Variants in NCKAP5L observed in about 807,000 individuals in gnomAD.
NCKAP5L encodes the protein nck-associated protein 5-like.
A neutral mutation model predicts 103.2 loss-of-function variants in NCKAP5L; 54 were observed. The ratio of observed to expected loss-of-function variants is 0.52; its 90% confidence interval spans 0.42 to 0.66. NCKAP5L has a LOEUF of 0.66. NCKAP5L is among the 30% of genes least tolerant of loss of function. NCKAP5L has a pLI of 0.00. For missense variants in NCKAP5L, 1,733 were observed against 1,750.6 expected (o/e 0.99, Z 0.18); for synonymous variants, 762 against 748.6 (o/e 1.02, Z -0.29).
intron 1 of NCKAP5L, among the ~76,000 whole-genome samples, chr12:49,824,826 ATAT>A (rs1946399029): frequency 6.6e-6 from 1 of 152,156 alleles, no homozygotes; most frequent in Non-Finnish European, 1.5e-5. Context: ...CTGGGGGAAA[ATAT>A]TATGGGTCTT....
intron 1 of NCKAP5L, among the ~76,000 whole-genome samples, chr12:49,815,469 T>C (rs1263653130): frequency 1.3e-5 from 2 of 152,264 alleles, no homozygotes; most frequent in South Asian, 2.1e-4. Flanking sequence ...ATTCCAGCTA[T>C]GGCCATTGGC....
chr12:49,795,550 G>A lies in NCKAP5L; in HGVS notation c.2310C>T (p.Ser770=), dbSNP rs949451561. The stretch of plus-strand genomic sequence containing the variant: ...TGGCCAGCTCCACTTTGGTGAGGCA[G>A]CTCCTTGGTGAGACAGGCTCCAGGT... ...RVDLEPVSPR[S]CLTKVELAKS... is the part of the protein sequence containing the mutation. The change falls in exon 8 of 13, where the codon AGC becomes AGT. Residue 770 remains serine, a synonymous_variant. Transcript: ENST00000335999. 1 of 1,536,726 alleles carries A rather than the reference G, an allele frequency of 6.5e-7. No individual in the cohort carries two copies. Among genetic ancestry groups the A allele is most frequent in the Non-Finnish European group, 8.7e-7 (1 of 1,145,860 alleles).
At position 49,802,832 on chromosome 12, in the gene NCKAP5L, C is replaced by T. The variant is rs577121954; in HGVS notation, c.231+126G>A. Reference sequence around the variant, plus strand: ...GTCTCTAGGTAGAACAGAATGGACCCGCCCAAGGCGGAAAGACGGGGAATC... The same window carrying T: ...GTCTCTAGGTAGAACAGAATGGACCTGCCCAAGGCGGAAAGACGGGGAATC... On this transcript the variant is annotated intron_variant, in intron 5 of 12. Transcript: ENST00000335999. The T allele has an allele frequency of 8.7e-5, 103 of 1,184,264 alleles. 1 individual carries two copies. In the East Asian group the frequency reaches 1.5e-3, roughly 18 times the overall value. 73.4% of individuals were successfully genotyped at this position (1,184,264 alleles called of 1,614,324 possible). A position where few individuals can be genotyped will look rare whatever the true frequency, so the allele number is the denominator to read the frequency against.
At chr12:49,819,651 A>G (rs1175396666) in intron 1 of NCKAP5L, among the ~76,000 whole-genome samples, 1 of 152,200 alleles carries the variant, frequency 6.6e-6, no homozygotes, top group Non-Finnish European at 1.5e-5. Flanking sequence ...GCTTGAGCCC[A>G]GGAGTTCAAG....
chr12:49,820,604 T>C (rs966379769), intron 1 of NCKAP5L, among the ~76,000 whole-genome samples: 2 of 152,176 alleles, frequency 1.3e-5, no homozygotes, highest in Admixed American at 6.5e-5. Context: ...CGTGAGCCAC[T>C]GCACCCAGGC....
rs2137003773 is a variant in NCKAP5L, at chr12:49,797,329, C to T, written c.531G>A (p.Leu177=). 2 of 1,612,764 alleles carry T rather than the reference C, an allele frequency of 1.2e-6. No individual in the cohort carries two copies. Among genetic ancestry groups the T allele is most frequent in the East Asian group, 2.2e-5 (1 of 44,850 alleles). Residue 177 remains leucine, a synonymous_variant, in exon 8 of 13, where the codon CTG becomes CTA. Coordinates refer to ENST00000335999, the MANE Select transcript of NCKAP5L (RefSeq NM_001037806.4). This position sits in a 1 kb window ranked among gnomAD's most constrained non-coding sequence, Gnocchi z 4.5. ...PGPPAAPPPA[L]DALSPFLRKK... ...TCCGAAGGAACGGGGATAGGGCATCCAGCGCTGGGGGTGGGGCGGCTGGGG... is the reference window on the plus strand; with the variant it reads ...TCCGAAGGAACGGGGATAGGGCATCTAGCGCTGGGGGTGGGGCGGCTGGGG...
chr12:49,797,364 C>G lies in NCKAP5L; in HGVS notation c.496G>C (p.Gly166Arg). Reference protein sequence around the residue: ...VCWEQQLRPGGPGPPAAPPPA... With the variant: ...VCWEQQLRPGRPGPPAAPPPA... ...GGTGGGGCGGCTGGGGGGCCTGGGCCTCCTGGCCTCAGCTGCTGCTCCCAA... is the reference window on the plus strand; with the variant it reads ...GGTGGGGCGGCTGGGGGGCCTGGGCGTCCTGGCCTCAGCTGCTGCTCCCAA... The change falls in exon 8 of 13, where the codon GGC becomes CGC. Residue 166 changes from glycine (G) to arginine (R), a missense_variant. Physicochemically the swap from Gly to Arg is moderately radical, Grantham distance 125 (BLOSUM62 -2). Transcript: ENST00000335999. The surrounding 1 kb of genome is among the most constrained non-coding windows in gnomAD (Gnocchi z 4.5). 6.2e-7 allele frequency: 1 copy of G among 1,609,554 alleles called. No homozygotes were observed.
At chr12:49,809,986 C>T (rs1244206569) in intron 1 of NCKAP5L, among the ~76,000 whole-genome samples, 1 of 152,108 alleles carries the variant, frequency 6.6e-6, no homozygotes, top group Non-Finnish European at 1.5e-5. Flanking sequence ...ACCTCAACCA[C>T]CATGGTGTGA....
chr12:49,810,840 T>C (rs1946232044), intron 1 of NCKAP5L, among the ~76,000 whole-genome samples: 1 of 152,260 alleles, frequency 6.6e-6, no homozygotes, highest in Non-Finnish European at 1.5e-5. Context: ...TAAATAACTG[T>C]AAGTATAACA....
Position 49,791,803 on chromosome 12 carries a change from C to T in NCKAP5L, c.*36G>A, listed in dbSNP as rs1592744244. The T allele has an allele frequency of 6.6e-7, 1 of 1,512,990 alleles. No individual in the cohort carries two copies. The highest frequency in any genetic ancestry group is 8.9e-7 in the Non-Finnish European group (1 of 1,123,720). 93.7% of individuals were successfully genotyped at this position (1,512,990 alleles called of 1,614,324 possible). A position where few individuals can be genotyped will look rare whatever the true frequency, so the allele number is the denominator to read the frequency against. On this transcript the variant is annotated 3_prime_UTR_variant, in exon 13 of 13. Transcript: ENST00000335999. ...AAGAGAGCCGGTCCAGTCTGTGGTC[C>T]CCAGCTCCAGCGGGGCCGTGGCGTG...
At chr12:49,825,924 C>T (rs1946411639) in intron 1 of NCKAP5L, among the ~76,000 whole-genome samples, 1 of 152,168 alleles carries the variant, frequency 6.6e-6, no homozygotes, top group Non-Finnish European at 1.5e-5. Flanking sequence ...GGCTCTTGGG[C>T]TGGAAAGCAA....
intron 1 of NCKAP5L, among the ~76,000 whole-genome samples, chr12:49,818,963 A>C (rs992928711): frequency 6.6e-6 from 1 of 151,158 alleles, no homozygotes; most frequent in Non-Finnish European, 1.5e-5. Context: ...TTGGGAGGCC[A>C]AGGCAGGAGG....
At chr12:49,823,666 G>T (rs1946385205) in intron 1 of NCKAP5L, among the ~76,000 whole-genome samples, 1 of 151,734 alleles carries the variant, frequency 6.6e-6, no homozygotes, top group African/African-American at 2.4e-5. Context: ...AAAGCATAGT[G>T]GATATTGGAG....
rs779516528 is a variant in NCKAP5L, at chr12:49,792,860, G to A, written c.3467C>T (p.Pro1156Leu). Residue 1156 changes from proline to leucine, a missense_variant, in exon 11 of 13, where the codon CCT (proline) becomes CTT (leucine). Coordinates refer to ENST00000335999, the MANE Select transcript of NCKAP5L (RefSeq NM_001037806.4). This position sits in a 1 kb window ranked among gnomAD's most constrained non-coding sequence, Gnocchi z 4.5. Reference protein sequence around the residue: ...KTKPPRLDPPPGVPPARPPPL... With the variant: ...KTKPPRLDPPLGVPPARPPPL... ...TGGGGGCCGAGCTGGGGGTACCCCA[G>A]GTGGGGGATCCAGCCGCGGTGGCTT... The A allele has an allele frequency of 3.2e-6, 5 of 1,548,604 alleles. No homozygotes were observed. In the Admixed American group the frequency reaches 7.4e-5, roughly 23 times the overall value.
At chr12:49,804,106 G>A in intron 2 of NCKAP5L, 26 bp from the exon 3 acceptor site, 3 of 1,591,648 alleles carry the variant, frequency 1.9e-6, no homozygotes, top group Non-Finnish European at 1.7e-6. Flanking sequence ...AGGAGGAAGT[G>A]AGAAGGAGGA....
At chr12:49,815,024 C>G (rs891736914) in intron 1 of NCKAP5L, among the ~76,000 whole-genome samples, 4 of 152,254 alleles carry the variant, frequency 2.6e-5, no homozygotes, top group African/African-American at 9.6e-5. Flanking sequence ...ATGCCTTCCC[C>G]AGGGCATTAT....
At position 49,792,538 on chromosome 12, in the gene NCKAP5L, A is replaced by G; in HGVS notation, c.3700T>C (p.Trp1234Arg). The G allele has an allele frequency of 1.2e-6, 2 of 1,613,700 alleles. No homozygotes were observed. The highest frequency in any genetic ancestry group is 3.3e-5 in the Admixed American group (2 of 59,992). The stretch of plus-strand genomic sequence containing the variant: ...GCTGCCCTAGTATTGGGGAAGGTCC[A>G]GTTCTTGGCCAGCTGGACAGGAGGG... The part of the protein sequence containing the change: ...PTPPVQLAKN[W>R]TFPNTRAAGS... Residue 1234 changes from tryptophan (W) to arginine (R), a missense_variant, in exon 12 of 13, where the codon TGG (tryptophan) becomes CGG (arginine). By Grantham distance (101) the Trp-to-Arg change is moderately radical. Transcript: ENST00000335999. The surrounding 1 kb of genome is among the most constrained non-coding windows in gnomAD (Gnocchi z 4.5).
chr12:49,796,474 A>C lies in NCKAP5L; in HGVS notation c.1386T>G (p.Pro462=). 1 of 1,531,650 alleles carries C rather than the reference A, an allele frequency of 6.5e-7. No individual in the cohort carries two copies. Among genetic ancestry groups the C allele is most frequent in the Non-Finnish European group, 8.8e-7 (1 of 1,140,380 alleles). The allele number at this position is 1,531,650 out of a possible 1,614,324, so 94.9% of individuals were successfully genotyped here. Residue 462 remains proline, a synonymous_variant, in exon 8 of 13, where the codon CCT becomes CCG. Coordinates refer to ENST00000335999, the MANE Select transcript of NCKAP5L (RefSeq NM_001037806.4). ...PARGLKFLKL[P]PTSEKSPSPG... ...GGCTGGGGCTCTTCTCCGAGGTTGG[A>C]GGCAGCTTTAGAAACTTGAGACCCC...
chr12:49,794,756 G>C lies in NCKAP5L; in HGVS notation c.3095+9C>G, dbSNP rs1255988958. On this transcript the variant is annotated intron_variant, in intron 8 of 12. Transcript: ENST00000335999. Reference sequence around the variant, plus strand: ...ACCAAGCCCCTGTTGACTGATCCCAGGACCTCACCTGTTTAGCAGCTGCTG... The same window carrying C: ...ACCAAGCCCCTGTTGACTGATCCCACGACCTCACCTGTTTAGCAGCTGCTG... 6.7e-7 allele frequency: 1 copy of C among 1,489,318 alleles called. No homozygotes were observed. The highest frequency in any genetic ancestry group is 8.9e-7 in the Non-Finnish European group (1 of 1,119,594). The allele number at this position is 1,489,318 out of a possible 1,614,324, so 92.3% of individuals were successfully genotyped here.
Sources: gnomAD v4.1 joint callset for allele counts (sites outside exome capture counted in the v4.1 genomes callset) on GRCh38, gnomAD v4.1.1 for gene constraint, Gnocchi (gnomAD v3.1) non-coding constraint, MANE v1.5 for transcripts, NCBI Gene and HGNC (gene_info 2026-07-23, HGNC 2026-07-21) for gene names.